Variants in CFAP97 observed in about 807,000 individuals in gnomAD.
CFAP97 encodes cilia and flagella associated protein 97.
Under a neutral mutation model 43.1 loss-of-function variants are expected in CFAP97, and 36 were observed. The observed-to-expected ratio is 0.84, with a 90% CI of 0.64 to 1.10. CFAP97 has a LOEUF of 1.10. Among genes scored for constraint, CFAP97 ranks in the 50% least tolerant of loss-of-function variants. The pLI is 0.00. For synonymous variants in CFAP97, 228 were observed against 225.7 expected (o/e 1.01, Z -0.09); for missense variants, 657 against 620.3 (o/e 1.06, Z -0.63).
chr4:185,176,901 TA>T (rs1560860737), intron 2 of CFAP97, among the ~76,000 whole-genome samples: 2 of 152,200 alleles, frequency 1.3e-5, no homozygotes, highest in South Asian at 4.1e-4. Flanking sequence ...TTAAAGCAAA[TA>T]CTTCTACTGT....
At chr4:185,205,293 A>G (rs1231846891), upstream of CFAP97, among the ~76,000 whole-genome samples, 1 of 152,150 alleles carries the variant, frequency 6.6e-6, no homozygotes, top group Non-Finnish European at 1.5e-5. Flanking sequence ...GTCTCTACTA[A>G]AAATACAAAA....
intron 2 of CFAP97, among the ~76,000 whole-genome samples, chr4:185,179,231 G>A (rs896308134): frequency 6.6e-6 from 1 of 152,106 alleles, no homozygotes; most frequent in African/African-American, 2.4e-5. Flanking sequence ...TGTGGAAAGA[G>A]CGAATGCATT....
In CFAP97 at chr4:185,175,667, G is replaced by A. The variant is rs565602434; in HGVS notation, c.1320+119C>T. 16 of 869,050 alleles carry A rather than the reference G, an allele frequency of 1.8e-5. No individual in the cohort carries two copies. The Admixed American group carries it at 2.1e-4, about 12-fold the overall frequency. 53.8% of individuals were successfully genotyped at this position (869,050 alleles called of 1,614,324 possible). On this transcript the variant is annotated intron_variant, in intron 3 of 4. Transcript: ENST00000458385. ...TCATATGTTTCATACCACACATACC[G>A]CACCTGCTTTTATGTAATGAAGTTT...
At chr4:185,167,999 A>C (rs1735135471) in intron 3 of CFAP97, among the ~76,000 whole-genome samples, 1 of 114,522 alleles carries the variant, frequency 8.7e-6, no homozygotes, top group South Asian at 2.8e-4. Context: ...ACTCCTTCTC[A>C]AAAAAAAAAA....
rs371400155 is a variant in CFAP97 at position 185,190,194 on chromosome 4, G to A, written c.1003C>T (p.His335Tyr). 163 of 1,605,936 alleles carry A rather than the reference G, an allele frequency of 1.0e-4. No individual in the cohort carries two copies. Among genetic ancestry groups the A allele is most frequent in the Non-Finnish European group, 1.3e-4 (155 of 1,176,682 alleles). Reference protein sequence around the residue: ...SVLDSSLDHRHKQKVLHDTMD... With the variant: ...SVLDSSLDHRYKQKVLHDTMD... ...GTGTCATGTAAGACTTTCTGTTTAT[G>A]TCTGTGGTCTAAACTGGAGTCTAAC... is the stretch of plus-strand genomic sequence containing the variant. The change falls in exon 2 of 5, where the codon CAT becomes TAT. Residue 335 changes from histidine (H) to tyrosine (Y), a missense_variant. His to Tyr is a moderately conservative substitution (Grantham distance 83). Transcript: ENST00000458385.
rs769871943 is a variant in CFAP97 at position 185,192,975 on chromosome 4, T to C, written c.-16-1763A>G. On this transcript the variant is annotated intron_variant, in intron 1 of 4. Coordinates refer to ENST00000458385, the MANE Select transcript of CFAP97 (RefSeq NM_020827.3). ...CAGGATGGCCTGGATCTCCTGACCT[T>C]GTGATCCGCCCACCTCGGCCTCCCA... 7.9e-5 allele frequency among the ~76,000 whole-genome samples: 12 copies of C among 152,100 alleles called. No individual in the cohort carries two copies. The Middle Eastern group carries it at 0.01, about 129-fold the overall frequency.
chr4:185,169,823 T>A (rs1487619866), intron 3 of CFAP97: 5 of 985,212 alleles, frequency 5.1e-6, no homozygotes, highest in Non-Finnish European at 4.8e-6. Flanking sequence ...ACAGTGGGAG[T>A]CACACTGAGT....
In CFAP97 at chr4:185,202,275, G is replaced by GGCTCATGTTC. The variant is rs554813188; in HGVS notation, c.-17+1622_-17+1623insGAACATGAGC. On this transcript the variant is annotated intron_variant, in intron 1 of 4. Coordinates refer to ENST00000458385, the MANE Select transcript of CFAP97 (RefSeq NM_020827.3). ...CTGGGCATGGAGGCTCATGTGCGGT[G>GGCTCATGTTC]GCTCATGTTACAGTCTCATGCCTGT... 3.8e-4 allele frequency among the ~76,000 whole-genome samples: 58 copies of GGCTCATGTTC among 152,278 alleles called. No individual in the cohort carries two copies. The East Asian group carries it at 9.3e-3, about 24-fold the overall frequency.
chr4:185,201,433 CATT>C (rs1736825213), intron 1 of CFAP97, among the ~76,000 whole-genome samples: 1 of 151,846 alleles, frequency 6.6e-6, no homozygotes, highest in African/African-American at 2.4e-5. Context: ...CAAAGTTAAT[CATT>C]GTCTTATTTT....
intron 1 of CFAP97, among the ~76,000 whole-genome samples, chr4:185,193,069 C>T (rs1216287350): frequency 1.3e-5 from 2 of 151,994 alleles, no homozygotes; most frequent in Admixed American, 6.6e-5. Context: ...CTATTCTCCA[C>T]TAAAAAACCC....
intron 3 of CFAP97, chr4:185,169,937 C>G (rs1735229540): frequency 2.0e-6 from 2 of 1,004,594 alleles, no homozygotes; most frequent in Non-Finnish European, 2.4e-6. Context: ...GATCTTAGAA[C>G]AAAAGTACTG....
In CFAP97 at chr4:185,190,389, C is replaced by G. The variant is rs773244288; in HGVS notation, c.808G>C (p.Glu270Gln). ...TPDISPLQSF[E>Q]LGIANDQKVK... ...TTTTGATCATTTGCTATGCCCAGTT[C>G]AAAAGACTGAAGAGGGCTAATGTCT... Residue 270 changes from glutamate to glutamine, a missense_variant, in exon 2 of 5, where the codon GAA becomes CAA. Physicochemically the swap from Glu to Gln is conservative, Grantham distance 29 (BLOSUM62 2). Coordinates refer to ENST00000458385, the MANE Select transcript of CFAP97 (RefSeq NM_020827.3). 1 of 1,611,892 alleles carries G rather than the reference C, an allele frequency of 6.2e-7. No individual in the cohort carries two copies. The highest frequency in any genetic ancestry group is 1.7e-5 in the Admixed American group (1 of 59,604).
At chr4:185,165,297 A>C (rs1300266757) in intron 3 of CFAP97, among the ~76,000 whole-genome samples, 3 of 152,182 alleles carry the variant, frequency 2.0e-5, no homozygotes, top group Non-Finnish European at 4.4e-5. Context: ...CATTTTAATA[A>C]TATTTTAATA....
chr4:185,165,529 A>G (rs572351944), intron 3 of CFAP97, among the ~76,000 whole-genome samples: 75 of 152,296 alleles, frequency 4.9e-4, no homozygotes, highest in African/African-American at 1.7e-3. Flanking sequence ...GAATTGATCC[A>G]TGATTGTGTT....
chr4:185,166,538 A>G (rs1203082481), intron 3 of CFAP97, among the ~76,000 whole-genome samples: 1 of 152,178 alleles, frequency 6.6e-6, no homozygotes, highest in Non-Finnish European at 1.5e-5. Context: ...TGGTTGGATG[A>G]GTATTTTTCT....
chr4:185,183,881 T>G (rs763578295), intron 2 of CFAP97, among the ~76,000 whole-genome samples: 18 of 152,226 alleles, frequency 1.2e-4, no homozygotes, highest in Non-Finnish European at 2.6e-4. Context: ...AAAGCTTCCC[T>G]TCTACATTTT....
At chr4:185,168,953 A>G (rs1735177336) in intron 3 of CFAP97, 1 of 152,112 alleles carries the variant, frequency 6.6e-6, no homozygotes, top group Non-Finnish European at 1.5e-5. Flanking sequence ...AATTATGTAT[A>G]TTAACGTAAA....
chr4:185,172,459 TC>T (rs1465206927), intron 3 of CFAP97, among the ~76,000 whole-genome samples: 1 of 152,234 alleles, frequency 6.6e-6, no homozygotes, highest in Non-Finnish European at 1.5e-5. Context: ...ATTATTTCCA[TC>T]TAAATAGCCT....
intron 3 of CFAP97, among the ~76,000 whole-genome samples, chr4:185,165,737 A>G (rs1184779505): frequency 6.6e-6 from 1 of 152,162 alleles, no homozygotes; most frequent in Non-Finnish European, 1.5e-5. Context: ...AACCACTTCT[A>G]AGCATACAGT....
Sources: allele counts gnomAD v4.1 joint callset (sites outside exome capture counted in the v4.1 genomes callset), GRCh38; gene constraint gnomAD v4.1.1; transcripts MANE v1.5; gene names NCBI Gene and HGNC (gene_info 2026-07-23, HGNC 2026-07-21).